MRPS6: variants seen among roughly 807,000 people sequenced by gnomAD.
MRPS6 encodes the protein mitochondrial ribosomal protein S6.
Under a neutral mutation model 13.1 loss-of-function variants are expected in MRPS6, and 6 were observed. That is an observed-to-expected ratio of 0.46 (90% CI 0.25 to 0.91). MRPS6 has a LOEUF of 0.91. Among genes scored for constraint, MRPS6 ranks in the 40% least tolerant of loss-of-function variants. The probability of loss-of-function intolerance (pLI) is 0.18; values close to 1 mark genes in which losing one functional copy is unlikely to be tolerated. For missense variants in MRPS6, 164 were observed against 155.6 expected (o/e 1.05, Z -0.29); for synonymous variants, 61 against 56.5 (o/e 1.08, Z -0.36).
chr21:34,121,888 ATGGAATAG>A (rs1330931413), intron 1 of MRPS6, among the ~76,000 whole-genome samples: 1 of 152,190 alleles, frequency 6.6e-6, no homozygotes, highest in African/African-American at 2.4e-5. Flanking sequence ...AGCTTGGCAG[ATGGAATAG>A]TGGATTAGTG....
chr21:34,118,557 C>CTTTCTTTT (rs1556008872), intron 1 of MRPS6, among the ~76,000 whole-genome samples: 7 of 133,168 alleles, frequency 5.3e-5, no homozygotes, highest in African/African-American at 2.0e-4. Context: ...TTCTTTCTTT[C>CTTTCTTTT]TTTTTTTTTT....
intron 1 of MRPS6, among the ~76,000 whole-genome samples, chr21:34,120,528 T>G (rs913149779): frequency 4.6e-5 from 7 of 152,212 alleles, no homozygotes; most frequent in Non-Finnish European, 7.3e-5. Flanking sequence ...CTAAGTCTTT[T>G]GTAGGCTAAA....
chr21:34,101,666 A>C (rs1463369869), intron 1 of MRPS6: 25 of 1,000,196 alleles, frequency 2.5e-5, no homozygotes, highest in Non-Finnish European at 2.9e-5. Context: ...ACTTTAAGGC[A>C]TATTGGCATG....
At chr21:34,131,488 A>G (rs759954210) in intron 2 of MRPS6, among the ~76,000 whole-genome samples, 21 of 152,150 alleles carry the variant, frequency 1.4e-4, no homozygotes, top group Non-Finnish European at 2.4e-4. Context: ...TGGTTTCTCC[A>G]TGGCAACCTT....
intron 1 of MRPS6, chr21:34,098,788 G>A: frequency 2.0e-6 from 2 of 1,000,220 alleles, no homozygotes; most frequent in Non-Finnish European, 1.2e-6. Flanking sequence ...TTAGAGAAAA[G>A]CTCTACAGAT....
chr21:34,108,435 C>A (rs1031891393), intron 1 of MRPS6, among the ~76,000 whole-genome samples: 1 of 152,104 alleles, frequency 6.6e-6, no homozygotes, highest in Admixed American at 6.5e-5. Flanking sequence ...GTAGGGTACG[C>A]CTTCTAGGTG....
At chr21:34,103,315 T>TCAAAAAAAAAAAAAAAAAA (rs1979328899) in intron 1 of MRPS6, 1 of 841,866 alleles carries the variant, frequency 1.2e-6, no homozygotes. Context: ...GTGAAGGAAG[T>TCAAAAAAAAAAAAAAAAAA]AAAAAAAAAA....
chr21:34,096,270 C>G lies in MRPS6; in HGVS notation c.45+22525C>G, dbSNP rs1213823624. On this transcript the variant is annotated intron_variant, in intron 1 of 2. Transcript: ENST00000399312. This position sits in a 1 kb window ranked among gnomAD's most constrained non-coding sequence, Gnocchi z 5.9. ...TGCTTACCCACGCCTGGTGATGAAG[C>G]TGGTTCCTGTGGGCCTTCGGGGTTT... 1.2e-6 allele frequency: 2 copies of G among 1,614,130 alleles called. No individual in the cohort carries two copies. The highest frequency in any genetic ancestry group is 2.2e-5 in the South Asian group (2 of 91,088).
chr21:34,131,220 C>T (rs1366658226), intron 2 of MRPS6, among the ~76,000 whole-genome samples: 1 of 152,206 alleles, frequency 6.6e-6, no homozygotes, highest in East Asian at 1.9e-4. Context: ...TAGTCAAATC[C>T]AGACGTTTGT....
chr21:34,111,439 CT>C (rs1209334845), intron 1 of MRPS6, among the ~76,000 whole-genome samples: 1 of 152,198 alleles, frequency 6.6e-6, no homozygotes, highest in Non-Finnish European at 1.5e-5. Flanking sequence ...AGTTCTACCT[CT>C]GAAGTGTTAT....
intron 1 of MRPS6, among the ~76,000 whole-genome samples, chr21:34,089,107 A>G (rs1448753167): frequency 6.6e-6 from 1 of 151,064 alleles, no homozygotes; most frequent in Admixed American, 6.6e-5. Context: ...GCTCACTGCA[A>G]CCTCCACCTC....
chr21:34,102,454 C>T (rs1343688177), intron 1 of MRPS6: 2 of 999,946 alleles, frequency 2.0e-6, no homozygotes, highest in East Asian at 1.1e-4. Flanking sequence ...CTAATTTATC[C>T]AGTAACCAAC....
At chr21:34,135,485 A>G in intron 2 of MRPS6, 1 of 500,184 alleles carries the variant, frequency 2.0e-6, no homozygotes, top group South Asian at 1.5e-5. Context: ...TTGATGGCAA[A>G]GGAGTTGGAG....
chr21:34,091,517 T>TA (rs1978692665), intron 1 of MRPS6, among the ~76,000 whole-genome samples: 1 of 152,212 alleles, frequency 6.6e-6, no homozygotes, highest in Admixed American at 6.5e-5. Flanking sequence ...CATGGTTATA[T>TA]CACCTGAAGG....
intron 2 of MRPS6, among the ~76,000 whole-genome samples, chr21:34,128,923 A>G (rs1025088953): frequency 3.9e-5 from 6 of 152,154 alleles, no homozygotes; most frequent in African/African-American, 1.2e-4. Context: ...TTGGTGCATG[A>G]CCTGGAGCTG....
At chr21:34,104,386 G>C in intron 1 of MRPS6, 1 of 1,000,174 alleles carries the variant, frequency 1.0e-6, no homozygotes, top group Non-Finnish European at 1.2e-6. Context: ...TCACCTCCGA[G>C]TAGCTTGTTT....
rs568158300 is a variant in MRPS6, at chr21:34,108,341, C to T, written c.46-17000C>T. Among the ~76,000 whole-genome samples the T allele has an allele frequency of 9.9e-5, 15 of 152,232 alleles. No individual in the cohort carries two copies. In the South Asian group the frequency reaches 1.5e-3, roughly 15 times the overall value. On this transcript the variant is annotated intron_variant, in intron 1 of 2. Transcript: ENST00000399312. ...AGATGCTCAAGTACTTGTCGTTGTG[C>T]GGTTACTTACAGTATTCCCTGCAGT...
chr21:34,096,010 C>T lies in MRPS6; in HGVS notation c.45+22265C>T. 1 of 1,614,126 alleles carries T rather than the reference C, an allele frequency of 6.2e-7. No individual in the cohort carries two copies. The highest frequency in any genetic ancestry group is 8.5e-7 in the Non-Finnish European group (1 of 1,180,004). On this transcript the variant is annotated intron_variant, in intron 1 of 2. Transcript: ENST00000399312. The surrounding 1 kb of genome is among the most constrained non-coding windows in gnomAD (Gnocchi z 5.9). ...GGATTCATTCTTGGGCAGACCCCAG[C>T]TTCAGTATGGTACTGGTGTGCTGAC...
At chr21:34,090,144 G>A (rs1015572374) in intron 1 of MRPS6, among the ~76,000 whole-genome samples, 1 of 152,206 alleles carries the variant, frequency 6.6e-6, no homozygotes, top group African/African-American at 2.4e-5. Flanking sequence ...AATCTGTAGT[G>A]TTGTCTTTAG....
Sources: gnomAD v4.1 joint callset for allele counts (sites outside exome capture counted in the v4.1 genomes callset) on GRCh38, gnomAD v4.1.1 for gene constraint, Gnocchi (gnomAD v3.1) non-coding constraint, MANE v1.5 for transcripts, NCBI Gene and HGNC (gene_info 2026-07-23, HGNC 2026-07-21) for gene names.